Variants in PTPRN2 observed in about 807,000 individuals in gnomAD.
PTPRN2 encodes receptor-type tyrosine-protein phosphatase N2.
In PTPRN2, 74 loss-of-function variants were observed where a neutral mutation model predicts 118.8. The observed-to-expected ratio is 0.62, with a 90% CI of 0.52 to 0.76. PTPRN2 has a LOEUF of 0.76. PTPRN2 is among the 30% of genes least tolerant of loss of function. The pLI, the probability that PTPRN2 is intolerant of heterozygous loss-of-function variation, is 0.00. For missense variants in PTPRN2, 1,481 were observed against 1,394.4 expected, an observed-to-expected ratio of 1.06 and a Z score of -0.99; for synonymous variants, 641 against 608.0, an observed-to-expected ratio of 1.05 and a Z score of -0.80.
chr7:157,614,132 AGGGGGAAGACAGG>A (rs1018539808), intron 15 of PTPRN2: 2 of 386,378 alleles, frequency 5.2e-6, no homozygotes, highest in Non-Finnish European at 1.1e-5. Flanking sequence ...GACGGAGAGG[AGGGGGAAGACAGG>A]GGAGGAAGGG....
chr7:158,459,775 G>T (rs28553976), intron 2 of PTPRN2, among the ~76,000 whole-genome samples: 1 of 151,198 alleles, frequency 6.6e-6, no homozygotes. Flanking sequence ...CCAGGATGGG[G>T]CCCTATCTAC....
At chr7:158,387,815 G>A (rs1221781623) in intron 2 of PTPRN2, among the ~76,000 whole-genome samples, 1 of 152,106 alleles carries the variant, frequency 6.6e-6, no homozygotes, top group Admixed American at 6.5e-5. Context: ...GCTGCCCTGT[G>A]GGATTCGGAC....
chr7:158,036,600 C>T (rs1389596107), intron 11 of PTPRN2, among the ~76,000 whole-genome samples: 1 of 152,028 alleles, frequency 6.6e-6, no homozygotes, highest in Non-Finnish European at 1.5e-5. Flanking sequence ...AAAGGTATAT[C>T]CCAAAAATGC....
chr7:158,070,056 A>T (rs978302335), intron 11 of PTPRN2, among the ~76,000 whole-genome samples: 3 of 152,134 alleles, frequency 2.0e-5, no homozygotes, highest in Admixed American at 2.0e-4. Flanking sequence ...CATTTTGCCA[A>T]CCTCAGGTGC....
chr7:158,127,960 G>C (rs1817832566), intron 9 of PTPRN2, among the ~76,000 whole-genome samples: 1 of 152,194 alleles, frequency 6.6e-6, no homozygotes, highest in East Asian at 1.9e-4. Context: ...GGATTACTGT[G>C]TCCATCAGAA....
At chr7:157,925,851 G>A (rs934970104) in intron 11 of PTPRN2, among the ~76,000 whole-genome samples, 15 of 151,382 alleles carry the variant, frequency 9.9e-5, no homozygotes, top group African/African-American at 3.2e-4. Context: ...AGGAAAACAC[G>A]GGCCACTCTT....
intron 2 of PTPRN2, among the ~76,000 whole-genome samples, chr7:158,352,900 A>T (rs1808112409): frequency 6.6e-6 from 1 of 152,238 alleles, no homozygotes; most frequent in South Asian, 2.1e-4. Context: ...TTTCTGGAAC[A>T]TGGCAGCTGC....
intron 3 of PTPRN2, among the ~76,000 whole-genome samples, chr7:158,218,010 G>A (rs929203931): frequency 2.6e-5 from 4 of 152,136 alleles, no homozygotes; most frequent in Non-Finnish European, 4.4e-5. Flanking sequence ...AAGCAACTTG[G>A]AAAACATAGT....
intron 2 of PTPRN2, among the ~76,000 whole-genome samples, chr7:158,428,649 G>A (rs1022547331): frequency 2.0e-5 from 3 of 152,108 alleles, no homozygotes; most frequent in African/African-American, 7.2e-5. Flanking sequence ...ACCATTACTC[G>A]ACCAGGCCTC....
chr7:157,783,453 G>A (rs1803810787), intron 12 of PTPRN2, among the ~76,000 whole-genome samples: 1 of 150,324 alleles, frequency 6.7e-6, no homozygotes, highest in Non-Finnish European at 1.5e-5. Context: ...ATGTTCCTCG[G>A]CACTGCTGGC....
At chr7:158,360,164 C>T (rs1351406040) in intron 2 of PTPRN2, among the ~76,000 whole-genome samples, 383 of 14,242 alleles carry the variant, frequency 0.027, 102 homozygotes, top group Middle Eastern at 0.083. Flanking sequence ...TCACCCAGGA[C>T]GACGCACAGA....
At chr7:158,067,087 T>G (rs1810832514) in intron 11 of PTPRN2, among the ~76,000 whole-genome samples, 1 of 152,238 alleles carries the variant, frequency 6.6e-6, no homozygotes, top group South Asian at 2.1e-4. Context: ...AGCAGCCTGC[T>G]GCTGTAGTTA....
At position 157,601,249 on chromosome 7, in the gene PTPRN2, A is replaced by G. The variant is rs183461685; in HGVS notation, c.2418+2753T>C. Among the ~76,000 whole-genome samples the G allele has an allele frequency of 1.9e-3, 290 of 152,352 alleles. 3 individuals are homozygous for G. The highest frequency in any genetic ancestry group is 7.5e-4 in the Non-Finnish European group (51 of 68,042). ...TTTACCACTGGATGCCTTCCCTGAA[A>G]TGTAATGAGGACTAAGTACAAATAT... On this transcript the variant is annotated intron_variant, in intron 16 of 22. Coordinates refer to ENST00000389418, the MANE Select transcript of PTPRN2 (RefSeq NM_002847.5).
intron 11 of PTPRN2, among the ~76,000 whole-genome samples, chr7:158,012,331 G>A (rs1806107771): frequency 6.6e-6 from 1 of 152,048 alleles, no homozygotes; most frequent in Non-Finnish European, 1.5e-5. Context: ...CCACATCACG[G>A]TGAGACTGAC....
intron 1 of PTPRN2, among the ~76,000 whole-genome samples, chr7:158,549,636 T>A (rs973431987): frequency 1.3e-5 from 2 of 152,238 alleles, no homozygotes; most frequent in African/African-American, 4.8e-5. Flanking sequence ...CAGCCAGGGC[T>A]CGCTCCAAAC....
At chr7:158,150,365 T>A (rs147767205) in intron 6 of PTPRN2, among the ~76,000 whole-genome samples, 1 of 152,220 alleles carries the variant, frequency 6.6e-6, no homozygotes. Context: ...ACCAAGGGTG[T>A]ACCCCAGTCT....
rs1802854357 is a variant in PTPRN2, at chr7:157,977,683, C to G, written c.1724-78946G>C. ...TGTTCAGGGAGCAGAGAGAATGCTG[C>G]TCTGTCCAGTACCTGTGAGCAGGGG... On this transcript the variant is annotated intron_variant, in intron 11 of 22. Transcript: ENST00000389418. The surrounding 1 kb of genome is among the most constrained non-coding windows in gnomAD (Gnocchi z 4.6). Among the ~76,000 whole-genome samples, 1 of 151,478 alleles carries G rather than the reference C, an allele frequency of 6.6e-6. No homozygotes were observed. The highest frequency in any genetic ancestry group is 1.5e-5 in the Non-Finnish European group (1 of 67,852).
chr7:157,873,661 G>A lies in PTPRN2; in HGVS notation c.1788+25012C>T, dbSNP rs540335199. ...TCGTCGTGGGGGCCGGGAGGAGAACGTACTGTCCTCAAGGTCTGTCTCGTC... is the reference window on the plus strand; with the variant it reads ...TCGTCGTGGGGGCCGGGAGGAGAACATACTGTCCTCAAGGTCTGTCTCGTC... On this transcript the variant is annotated intron_variant, in intron 12 of 22. Coordinates refer to ENST00000389418, the MANE Select transcript of PTPRN2 (RefSeq NM_002847.5). Among the ~76,000 whole-genome samples, 160 of 140,164 alleles carry A rather than the reference G, an allele frequency of 1.1e-3. 2 individuals are homozygous for A. Among genetic ancestry groups the A allele is most frequent in the African/African-American group, 4.1e-3 (150 of 36,400 alleles). The allele number at this position is 140,164 out of a possible 152,430, so 92.0% of individuals were successfully genotyped here.
chr7:158,381,382 T>C lies in PTPRN2; in HGVS notation c.164-64450A>G, dbSNP rs1810954398. ...TTGCTCAAGTTCAAAGTTCCACAAA[T>C]GTCTAGGACAGGGGCAAAATGCTGC... On this transcript the variant is annotated intron_variant, in intron 2 of 22. Coordinates refer to ENST00000389418, the MANE Select transcript of PTPRN2 (RefSeq NM_002847.5). Among the ~76,000 whole-genome samples the C allele has an allele frequency of 2.6e-5, 4 of 152,348 alleles. No individual in the cohort carries two copies. In the South Asian group the frequency reaches 8.3e-4, roughly 32 times the overall value.
Sources: allele counts gnomAD v4.1 joint callset (sites outside exome capture counted in the v4.1 genomes callset), GRCh38; gene constraint gnomAD v4.1.1; non-coding constraint Gnocchi (gnomAD v3.1); transcripts MANE v1.5; gene names NCBI Gene and HGNC (gene_info 2026-07-23, HGNC 2026-07-21).